The following PDE1C variants were observed in gnomAD, a reference collection of about 807,000 sequenced individuals.
PDE1C encodes the protein dual specificity calcium/calmodulin-dependent 3',5'-cyclic nucleotide phosphodiesterase 1C.
PDE1C carries 62 observed loss-of-function variants against 93.1 expected under a neutral mutation model. That is an observed-to-expected ratio of 0.67 (90% confidence interval 0.54 to 0.82). PDE1C has a LOEUF of 0.82. Among genes scored for constraint, PDE1C ranks in the 40% least tolerant of loss-of-function variants. PDE1C has a pLI of 0.00. For missense variants in PDE1C, 742 were observed against 884.6 expected (o/e 0.84, Z 2.04); for synonymous variants, 325 against 310.1 (o/e 1.05, Z -0.50).
intron 2 of PDE1C, among the ~76,000 whole-genome samples, chr7:31,901,727 T>C (rs1045235616): frequency 2.0e-5 from 3 of 151,442 alleles, no homozygotes; most frequent in African/African-American, 7.2e-5. Context: ...AAATATAAAT[T>C]TTAAAAATAA....
intron 17 of PDE1C, among the ~76,000 whole-genome samples, chr7:31,759,420 G>C (rs1168318017): frequency 6.6e-6 from 1 of 152,158 alleles, no homozygotes; most frequent in Non-Finnish European, 1.5e-5. Context: ...CCGACCACTA[G>C]TGGAGAAGAA....
rs970713472 is a variant in PDE1C at position 32,298,510 on chromosome 7, C to CG, written c.85+140dup. 8.9e-5 allele frequency: 93 copies of CG among 1,041,778 alleles called. No homozygotes were observed. The African/African-American group carries it at 1.5e-3, about 17-fold the overall frequency. The allele number at this position is 1,041,778 out of a possible 1,614,324, so 64.5% of individuals were successfully genotyped here. ...TCTGTCCCGACCCAGTCGCCGCTCCCGGGGGCTCCCGCCCGGAGAGCACCC... is the reference window on the plus strand; with the variant it reads ...TCTGTCCCGACCCAGTCGCCGCTCCCGGGGGGCTCCCGCCCGGAGAGCACCC... On this transcript the variant is annotated intron_variant, in intron 1 of 18. Coordinates refer to the PDE1C transcript ENST00000396193.
At chr7:31,650,629 T>C in the PDE1C span, among the ~76,000 whole-genome samples, 1 of 152,270 alleles carries the variant, frequency 6.6e-6, no homozygotes, top group African/African-American at 2.4e-5. Flanking sequence ...ATCCTGCAGA[T>C]TCCAACCTCC....
intron 2 of PDE1C, among the ~76,000 whole-genome samples, chr7:32,005,880 T>C (rs1786182491): frequency 6.6e-6 from 1 of 152,212 alleles, no homozygotes; most frequent in African/African-American, 2.4e-5. Context: ...GCTACCTTTT[T>C]TTTCTGCACG....
At chr7:32,416,589 C>T (rs953744290) in intron 1 of PDE1C, among the ~76,000 whole-genome samples, 3 of 152,128 alleles carry the variant, frequency 2.0e-5, no homozygotes, top group Non-Finnish European at 4.4e-5. Context: ...TAGCCTCATC[C>T]CCTGCCACCC....
chr7:31,827,318 A>G (rs1789811570), intron 12 of PDE1C, among the ~76,000 whole-genome samples: 1 of 152,078 alleles, frequency 6.6e-6, no homozygotes, highest in African/African-American at 2.4e-5. Flanking sequence ...TTGCCCAGAC[A>G]ATGCCTACTC....
At chr7:32,406,729 T>G (rs1389007664) in intron 1 of PDE1C, among the ~76,000 whole-genome samples, 2 of 152,126 alleles carry the variant, frequency 1.3e-5, no homozygotes, top group Non-Finnish European at 2.9e-5. Flanking sequence ...CATTCTCCAG[T>G]CCAAACCCTG....
the PDE1C span, chr7:31,643,458 A>C: frequency 6.2e-7 from 1 of 1,613,898 alleles, no homozygotes; most frequent in Non-Finnish European, 8.5e-7. Context: ...CTGAGATGGA[A>C]AACCTTCCTC....
chr7:32,124,456 C>T (rs1489081090), intron 3 of PDE1C, among the ~76,000 whole-genome samples: 1 of 152,198 alleles, frequency 6.6e-6, no homozygotes, highest in Non-Finnish European at 1.5e-5. Flanking sequence ...TCAAACTATA[C>T]TACAAGGCTA....
At chr7:31,759,504 G>A (rs1346018581) in intron 17 of PDE1C, among the ~76,000 whole-genome samples, 1 of 152,074 alleles carries the variant, frequency 6.6e-6, no homozygotes, top group African/African-American at 2.4e-5. Flanking sequence ...TTCCCCTTGG[G>A]GATACTTTAA....
chr7:32,046,866 A>G (rs1441558944), intron 2 of PDE1C, among the ~76,000 whole-genome samples: 2 of 152,190 alleles, frequency 1.3e-5, no homozygotes, highest in African/African-American at 4.8e-5. Context: ...ATTACCTGGT[A>G]TGGCTTTTTT....
At chr7:31,876,723 A>G (rs1796643631) in intron 5 of PDE1C, among the ~76,000 whole-genome samples, 1 of 152,214 alleles carries the variant, frequency 6.6e-6, no homozygotes, top group South Asian at 2.1e-4. Flanking sequence ...TGTACATTAC[A>G]CTGAAGTATT....
At chr7:32,003,481 C>T (rs1479677878) in intron 2 of PDE1C, among the ~76,000 whole-genome samples, 3 of 152,224 alleles carry the variant, frequency 2.0e-5, no homozygotes, top group South Asian at 2.1e-4. Flanking sequence ...TAGTACAATG[C>T]TTATTGTCTT....
intron 17 of PDE1C, among the ~76,000 whole-genome samples, chr7:31,754,351 T>C (rs185281334): frequency 1.2e-3 from 177 of 152,310 alleles, no homozygotes; most frequent in Middle Eastern, 6.8e-3. Flanking sequence ...CTAGACATAG[T>C]CTTACCATGC....
intron 2 of PDE1C, among the ~76,000 whole-genome samples, chr7:32,197,701 T>C (rs912668984): frequency 7.9e-5 from 12 of 152,168 alleles, no homozygotes; most frequent in African/African-American, 2.7e-4. Flanking sequence ...CCAGTCACAA[T>C]AGACCACATA....
At chr7:32,253,418 C>T (rs778044313) in intron 1 of PDE1C, among the ~76,000 whole-genome samples, 2 of 152,142 alleles carry the variant, frequency 1.3e-5, no homozygotes, top group Non-Finnish European at 2.9e-5. Flanking sequence ...AACAGCCTTA[C>T]GCGCCTTCCA....
At chr7:31,616,814 A>T in the PDE1C span, among the ~76,000 whole-genome samples, 1 of 152,210 alleles carries the variant, frequency 6.6e-6, no homozygotes, top group African/African-American at 2.4e-5. Context: ...GCATAAAAAC[A>T]TTAGATTGTG....
chr7:32,396,477 C>T (rs1416464769), intron 1 of PDE1C, among the ~76,000 whole-genome samples: 1 of 135,432 alleles, frequency 7.4e-6, no homozygotes, highest in African/African-American at 2.8e-5. Flanking sequence ...GACCTTGTGT[C>T]AAAAAACAAA....
chr7:31,689,483 C>T, the PDE1C span, among the ~76,000 whole-genome samples: 1 of 152,046 alleles, frequency 6.6e-6, no homozygotes, highest in East Asian at 1.9e-4. Context: ...ATGACACCTG[C>T]TTGGGGTAGA....
Sources: gnomAD v4.1 joint callset for allele counts (sites outside exome capture counted in the v4.1 genomes callset) on GRCh38, gnomAD v4.1.1 for gene constraint, MANE v1.5 for transcripts, NCBI Gene and HGNC (gene_info 2026-07-23, HGNC 2026-07-21) for gene names.